The following MCF2 variants were observed in gnomAD, a reference collection of about 807,000 sequenced individuals.
MCF2 encodes the protein proto-oncogene DBL.
Under a neutral mutation model 82.5 loss-of-function variants are expected in MCF2, and 44 were observed. The ratio of observed to expected loss-of-function variants is 0.53; its 90% CI spans 0.42 to 0.69. The LOEUF is 0.69. Ranked by LOEUF, MCF2 falls within the 30% of genes least tolerant of loss-of-function variation. MCF2 has a pLI of 0.00. For missense variants in MCF2, 623 were observed against 663.1 expected, an observed-to-expected ratio of 0.94 and a Z score of 0.66; for synonymous variants, 217 against 224.9, an observed-to-expected ratio of 0.96 and a Z score of 0.32.
At chrX:139,668,580 G>A (rs1321846256) in intron 1 of MCF2, among the ~76,000 whole-genome samples, 1 of 111,394 alleles carries the variant, frequency 9.0e-6, no homozygotes, top group Admixed American at 9.6e-5. Flanking sequence ...TGCCAATCCC[G>A]GCCAAGCAGG....
chrX:139,586,447 A>G (rs1274943342), exon 23 of MCF2: 1 of 1,209,596 alleles, frequency 8.3e-7, no homozygotes. Flanking sequence ...GTGTGTTCCA[A>G]TTCAGTTTCC....
chrX:139,704,320 G>T (rs1935553146), intron 1 of MCF2, among the ~76,000 whole-genome samples: 1 of 112,342 alleles, frequency 8.9e-6, no homozygotes, highest in South Asian at 3.7e-4. Context: ...TTTCCTTGAT[G>T]ATATGAATCT....
chrX:139,617,758 GA>G, intron 7 of MCF2, 54 bp from the exon 11 acceptor site: 1 of 746,062 alleles, frequency 1.3e-6, no homozygotes. Flanking sequence ...TTCCTATAGA[GA>G]AAAAAAGAAG....
At position 139,596,715 on chromosome X, in the gene MCF2, A is replaced by G. The variant is rs776597928; in HGVS notation, c.2111T>C (p.Ile704Thr). The change falls in exon 19 of 25, where the codon ATA becomes ACA. Residue 704 changes from isoleucine to threonine, a missense_variant. Coordinates refer to ENST00000370576, the Ensembl canonical transcript of MCF2. Reference sequence around the variant, plus strand: ...TTTTGTAGCACCTTTCTTGTGCCCTATCCAAACGCTGAATCCACCTTGCAT... The same window carrying G: ...TTTTGTAGCACCTTTCTTGTGCCCTGTCCAAACGCTGAATCCACCTTGCAT... The G allele has an allele frequency of 2.1e-5, 25 of 1,208,124 alleles. No homozygotes were observed. The highest frequency in any genetic ancestry group is 3.4e-6 in the Non-Finnish European group (3 of 894,161).
At chrX:139,585,069 G>A in exon 24 of MCF2, 1 of 1,165,580 alleles carries the variant, frequency 8.6e-7, no homozygotes. Flanking sequence ...TACTAACCAT[G>A]AGGGGCCTAT....
intron 6 of MCF2, among the ~76,000 whole-genome samples, chrX:139,624,531 CAA>C (rs763780629): frequency 2.5e-4 from 12 of 47,904 alleles, no homozygotes; most frequent in African/African-American, 2.2e-4. Flanking sequence ...AGAACTGTCT[CAA>C]AAAAAAAAAA....
At chrX:139,676,509 A>T (rs1311226924) in intron 1 of MCF2, among the ~76,000 whole-genome samples, 1 of 112,212 alleles carries the variant, frequency 8.9e-6, no homozygotes, top group Non-Finnish European at 1.9e-5. Flanking sequence ...TATAGAGGTC[A>T]TATAGCATAC....
At chrX:139,635,465 G>A (rs1933147973) in intron 1 of MCF2, among the ~76,000 whole-genome samples, 4 of 110,882 alleles carry the variant, frequency 3.6e-5, no homozygotes, top group Admixed American at 1.9e-4. Flanking sequence ...AGACCAGCCT[G>A]GCCAACATGG....
chrX:139,645,785 G>T (rs748816831), upstream of MCF2: 7 of 446,160 alleles, frequency 1.6e-5, no homozygotes, highest in Non-Finnish European at 2.0e-5. Flanking sequence ...TTTGGAATTG[G>T]AAAGCTATCA....
At position 139,680,225 on chromosome X, in the gene MCF2, G is replaced by A. The variant is rs1335199901; in HGVS notation, c.-45+27881C>T. On this transcript the variant is annotated intron_variant, in intron 1 of 27. Coordinates refer to the MCF2 transcript ENST00000414978. ...TGCAGCCTCAAACTCCTAGGCTCAA[G>A]CGATCCTCCCGCCTAAGCCTTCTGA... Among the ~76,000 whole-genome samples, 8 of 111,803 alleles carry A rather than the reference G, an allele frequency of 7.2e-5. No homozygotes were observed. In the Admixed American group the frequency reaches 7.6e-4, roughly 11 times the overall value.
At chrX:139,588,184 A>T (rs1929154440) in intron 21 of MCF2, among the ~76,000 whole-genome samples, 176 bp downstream of exon 25, 1 of 111,660 alleles carries the variant, frequency 9.0e-6, no homozygotes, top group Non-Finnish European at 1.9e-5. Flanking sequence ...TCATTCTTCA[A>T]AATAGTTTAA....
intron 1 of MCF2, among the ~76,000 whole-genome samples, chrX:139,671,744 G>A (rs1020521400): frequency 8.9e-6 from 1 of 111,759 alleles, no homozygotes; most frequent in African/African-American, 3.3e-5. Context: ...AAGACAGGTA[G>A]CATGACGCCT....
intron 1 of MCF2, among the ~76,000 whole-genome samples, chrX:139,693,285 G>A (rs1393380462): frequency 8.9e-6 from 1 of 111,810 alleles, no homozygotes; most frequent in Non-Finnish European, 1.9e-5. Flanking sequence ...CTAATGCTTA[G>A]AAGTCCTGAT....
intron 2 of MCF2, among the ~76,000 whole-genome samples, chrX:139,648,189 T>A (rs1157074051): frequency 9.0e-6 from 1 of 110,605 alleles, no homozygotes; most frequent in East Asian, 2.8e-4. Context: ...CTGGCCAACA[T>A]GTTGAAACCC....
At chrX:139,640,092 C>T (rs1299049018) in intron 1 of MCF2, among the ~76,000 whole-genome samples, 2 of 111,569 alleles carry the variant, frequency 1.8e-5, no homozygotes, top group Non-Finnish European at 3.8e-5. Context: ...AGACACTTAA[C>T]ACCTCATAGA....
chrX:139,586,300 G>T, intron 23 of MCF2, 78 bp downstream of exon 27: 1 of 716,750 alleles, frequency 1.4e-6, no homozygotes, highest in Non-Finnish European at 2.2e-6. Flanking sequence ...TACCAAGTGG[G>T]TAGATTTCCA....
intron 1 of MCF2, among the ~76,000 whole-genome samples, chrX:139,638,836 G>A (rs41493555): frequency 0.012 from 1,288 of 111,212 alleles, 20 homozygotes; most frequent in African/African-American, 0.04. Flanking sequence ...ATCTAGAGGG[G>A]ACAGAACACT....
chrX:139,657,746 C>G (rs2038157), intron 1 of MCF2, among the ~76,000 whole-genome samples: 9,748 of 111,445 alleles, frequency 0.087, 1,087 homozygotes, highest in African/African-American at 0.3. Flanking sequence ...ATCAGGTTTG[C>G]TCAGTCAGTT....
At chrX:139,668,769 C>G (rs1934598628) in intron 1 of MCF2, among the ~76,000 whole-genome samples, 1 of 111,370 alleles carries the variant, frequency 9.0e-6, no homozygotes, top group African/African-American at 3.3e-5. Flanking sequence ...TGATACGTCT[C>G]TCAAATGACT....
Sources: allele counts gnomAD v4.1 joint callset (sites outside exome capture counted in the v4.1 genomes callset), GRCh38; gene constraint gnomAD v4.1.1; transcripts MANE v1.5; gene names NCBI Gene and HGNC (gene_info 2026-07-23, HGNC 2026-07-21).